Variants in SPMAP2L observed in about 807,000 individuals in gnomAD.
The protein encoded by SPMAP2L is sperm microtubule associated protein 2-like.
the SPMAP2L span, among the ~76,000 whole-genome samples, chr4:56,536,018 G>A: frequency 0.015 from 2,330 of 152,314 alleles, 29 homozygotes; most frequent in Non-Finnish European, 0.027. Context: ...CGCAGTTCAC[G>A]ATAGGGTTTG....
At chr4:56,584,403 A>G in the SPMAP2L span, 2 of 733,222 alleles carry the variant, frequency 2.7e-6, no homozygotes, top group South Asian at 3.4e-5. Flanking sequence ...AGCAGTGTAT[A>G]TAATCGATTA....
the SPMAP2L span, among the ~76,000 whole-genome samples, chr4:56,608,328 A>G: frequency 6.6e-6 from 1 of 152,194 alleles, no homozygotes; most frequent in Non-Finnish European, 1.5e-5. Context: ...TCAAGTTGTA[A>G]AGGATAAGAA....
the SPMAP2L span, among the ~76,000 whole-genome samples, chr4:56,536,549 A>G: frequency 6.6e-6 from 1 of 152,232 alleles, no homozygotes; most frequent in Non-Finnish European, 1.5e-5. Flanking sequence ...TAGTGCCTCA[A>G]GCTTGCCTGG....
At chr4:56,531,948 T>G in the SPMAP2L span, among the ~76,000 whole-genome samples, 3 of 152,212 alleles carry the variant, frequency 2.0e-5, no homozygotes, top group African/African-American at 7.2e-5. Context: ...CACCATTCCA[T>G]TGGCTCTCTG....
the SPMAP2L span, among the ~76,000 whole-genome samples, chr4:56,561,814 T>C: frequency 6.6e-6 from 1 of 152,258 alleles, no homozygotes; most frequent in South Asian, 2.1e-4. Flanking sequence ...AACCTCCACC[T>C]CCGGGTTCAA....
the SPMAP2L span, among the ~76,000 whole-genome samples, chr4:56,600,449 A>G: frequency 6.6e-6 from 1 of 151,900 alleles, no homozygotes; most frequent in Non-Finnish European, 1.5e-5. Context: ...ACGGGCCACC[A>G]AGCCCAGCTA....
the SPMAP2L span, among the ~76,000 whole-genome samples, chr4:56,531,755 C>G: frequency 6.6e-6 from 1 of 152,174 alleles, no homozygotes; most frequent in Admixed American, 6.5e-5. Context: ...TATAAACATC[C>G]TTGCTCTGAC....
chr4:56,549,058 G>A, the SPMAP2L span, among the ~76,000 whole-genome samples: 151 of 148,138 alleles, frequency 1.0e-3, 1 homozygote, highest in African/African-American at 3.1e-3. Context: ...GCGTGATCTC[G>A]GCTCACTGCA....
chr4:56,611,917 C>T, the SPMAP2L span, among the ~76,000 whole-genome samples: 2 of 152,218 alleles, frequency 1.3e-5, no homozygotes, highest in African/African-American at 4.8e-5. Context: ...CCTCCCCACA[C>T]CCCTGCTGCT....
At chr4:56,578,770 A>G in the SPMAP2L span, among the ~76,000 whole-genome samples, 2 of 147,146 alleles carry the variant, frequency 1.4e-5, no homozygotes, top group Non-Finnish European at 2.9e-5. Flanking sequence ...TTTATATTAT[A>G]AAAGAGTCAA....
the SPMAP2L span, among the ~76,000 whole-genome samples, chr4:56,544,627 TA>T: frequency 6.6e-6 from 1 of 152,074 alleles, no homozygotes; most frequent in African/African-American, 2.4e-5. Flanking sequence ...TTTTTTTTTT[TA>T]AATTTCAACT....
the SPMAP2L span, among the ~76,000 whole-genome samples, chr4:56,568,841 A>G: frequency 6.6e-6 from 1 of 152,196 alleles, no homozygotes; most frequent in Admixed American, 6.5e-5. Flanking sequence ...AGCCCTAAGT[A>G]ACCACTAATC....
chr4:56,549,434 A>G, the SPMAP2L span, among the ~76,000 whole-genome samples: 1 of 152,186 alleles, frequency 6.6e-6, no homozygotes, highest in Admixed American at 6.5e-5. Context: ...AACGTATCCC[A>G]ATCTCCCTTG....
the SPMAP2L span, among the ~76,000 whole-genome samples, chr4:56,560,710 G>T: frequency 3.9e-5 from 6 of 152,122 alleles, no homozygotes; most frequent in Non-Finnish European, 7.3e-5. Flanking sequence ...TTACAGATGT[G>T]AGCCACTGTA....
chr4:56,560,367 G>A, the SPMAP2L span, among the ~76,000 whole-genome samples: 2 of 152,098 alleles, frequency 1.3e-5, no homozygotes, highest in Non-Finnish European at 2.9e-5. Context: ...TCCTTTGTGG[G>A]TTTCTCTTTC....
At chr4:56,565,559 C>G in the SPMAP2L span, among the ~76,000 whole-genome samples, 1 of 152,116 alleles carries the variant, frequency 6.6e-6, no homozygotes, top group African/African-American at 2.4e-5. Context: ...CTCCCAGTCC[C>G]CTTTCTGTAC....
chr4:56,581,391 G>T, the SPMAP2L span, among the ~76,000 whole-genome samples: 1 of 152,008 alleles, frequency 6.6e-6, no homozygotes, highest in African/African-American at 2.4e-5. Flanking sequence ...GGAGGCAGAG[G>T]TTACAGTGAA....
At chr4:56,552,406 G>C in the SPMAP2L span, 1 of 584,520 alleles carries the variant, frequency 1.7e-6, no homozygotes, top group Non-Finnish European at 3.0e-6. Flanking sequence ...TGGATACTTT[G>C]AGCCTTTCAG....
the SPMAP2L span, among the ~76,000 whole-genome samples, chr4:56,586,055 T>G: frequency 6.6e-6 from 1 of 152,128 alleles, no homozygotes; most frequent in Non-Finnish European, 1.5e-5. Context: ...GGCAAGCAGG[T>G]ATGGCCTTTT....
Sources: gnomAD v4.1 joint callset for allele counts (sites outside exome capture counted in the v4.1 genomes callset) on GRCh38, gnomAD v4.1.1 for gene constraint, MANE v1.5 for transcripts, NCBI Gene and HGNC (gene_info 2026-07-23, HGNC 2026-07-21) for gene names.